Variants in CDC42 observed in about 807,000 individuals in gnomAD.
The protein encoded by CDC42 is cell division cycle 42.
A neutral mutation model predicts 20.8 loss-of-function variants in CDC42; 1 was observed. The ratio of observed to expected loss-of-function variants is 0.05; its 90% CI spans 0.02 to 0.23. The LOEUF is 0.23. Ranked by LOEUF, CDC42 falls within the 10% of genes least tolerant of loss-of-function variation. The pLI is 1.00. For synonymous variants in CDC42, 72 were observed against 84.8 expected (o/e 0.85, Z 0.83); for missense variants, 49 against 227.9 (o/e 0.21, Z 5.05).
Position 22,092,083 on chromosome 1 carries a change from A to G in CDC42, c.*566A>G, listed in dbSNP as rs567121972. On this transcript the variant is annotated 3_prime_UTR_variant, in exon 6 of 6. Coordinates refer to ENST00000656825, the MANE Select transcript of CDC42 (RefSeq NM_001791.4). ...ACTTCCTAGATCTAGTTTAGAAAACATGTTCCCCATCTGGTGCTCTTAGGA... is the reference window on the plus strand; with the variant it reads ...ACTTCCTAGATCTAGTTTAGAAAACGTGTTCCCCATCTGGTGCTCTTAGGA... 4 of 152,578 alleles carry G rather than the reference A, an allele frequency of 2.6e-5. No individual in the cohort carries two copies. Among genetic ancestry groups the G allele is most frequent in the East Asian group, 3.9e-4 (2 of 5,182 alleles). 9.5% of individuals were successfully genotyped at this position (152,578 alleles called of 1,614,324 possible). A position where few individuals can be genotyped will look rare whatever the true frequency, so the allele number is the denominator to read the frequency against.
At chr1:22,061,914 C>G (rs1373383932) in intron 1 of CDC42, among the ~76,000 whole-genome samples, 1 of 151,630 alleles carries the variant, frequency 6.6e-6, no homozygotes, top group Non-Finnish European at 1.5e-5. Context: ...CCCATCACCC[C>G]TATGGAACAC....
intron 1 of CDC42, among the ~76,000 whole-genome samples, chr1:22,070,136 AAAAGT>A (rs1236137953): frequency 2.0e-5 from 3 of 152,194 alleles, no homozygotes; most frequent in African/African-American, 4.8e-5. Context: ...TGAACATGTA[AAAAGT>A]AAAGTAGAGA....
chr1:22,083,124 G>T (rs1249041234), intron 3 of CDC42, among the ~76,000 whole-genome samples: 17 of 151,740 alleles, frequency 1.1e-4, no homozygotes, highest in Non-Finnish European at 8.8e-5. Context: ...CAGGTGATCC[G>T]CCCGCCTTGG....
At chr1:22,069,300 C>T (rs906013033) in intron 1 of CDC42, among the ~76,000 whole-genome samples, 1 of 150,720 alleles carries the variant, frequency 6.6e-6, no homozygotes, top group Non-Finnish European at 1.5e-5. Context: ...CTCACCCTCC[C>T]AAATAGCTGG....
In CDC42 at chr1:22,097,971, A is replaced by G. The variant is rs571430420; in HGVS notation, c.*6454A>G. 6.6e-6 allele frequency among the ~76,000 whole-genome samples: 1 copy of G among 152,278 alleles called. No individual in the cohort carries two copies. Among genetic ancestry groups the G allele is most frequent in the African/African-American group, 2.4e-5 (1 of 41,576 alleles). ...AGTGACAGATTTTCAAGGCTAAGGT[A>G]AGTATAGCATTTTCTCAACCCTATT... is the stretch of plus-strand genomic sequence containing the variant. On this transcript the variant is annotated 3_prime_UTR_variant, in exon 6 of 6. Transcript: ENST00000656825.
chr1:22,061,702 C>T (rs1645367128), intron 1 of CDC42, among the ~76,000 whole-genome samples: 1 of 150,122 alleles, frequency 6.7e-6, no homozygotes. Context: ...CGCCACCATG[C>T]CCGGCTAATT....
chr1:22,056,791 A>T (rs1053468257), intron 1 of CDC42, among the ~76,000 whole-genome samples: 1 of 152,264 alleles, frequency 6.6e-6, no homozygotes, highest in Non-Finnish European at 1.5e-5. Context: ...AAGATTTGGC[A>T]TTAGCCATTA....
intron 1 of CDC42, among the ~76,000 whole-genome samples, chr1:22,067,797 G>A (rs1283088396): frequency 1.3e-5 from 2 of 152,148 alleles, no homozygotes; most frequent in Non-Finnish European, 2.9e-5. Context: ...TTCTAACAAC[G>A]TCACACTGGT....
intron 1 of CDC42, chr1:22,053,330 G>C (rs1005460792): frequency 6.6e-6 from 1 of 151,938 alleles, no homozygotes; most frequent in African/African-American, 2.4e-5. Flanking sequence ...GCAGCTCGCT[G>C]GCTGCTCGCG....
In CDC42 at chr1:22,094,844, C is replaced by T. The variant is rs1645746031; in HGVS notation, c.*3327C>T. Among the ~76,000 whole-genome samples, 1 of 152,140 alleles carries T rather than the reference C, an allele frequency of 6.6e-6. No homozygotes were observed. The highest frequency in any genetic ancestry group is 6.5e-5 in the Admixed American group (1 of 15,274). On this transcript the variant is annotated 3_prime_UTR_variant, in exon 6 of 6. Transcript: ENST00000656825. ...CAAGTTGTCACTAAATTTGTGCTAT[C>T]ATAATTGTTACCTTCATAGAATGCT...
intron 5 of CDC42, among the ~76,000 whole-genome samples, chr1:22,088,932 T>C (rs1316253515): frequency 2.6e-5 from 4 of 151,996 alleles, no homozygotes; most frequent in Non-Finnish European, 5.9e-5. Flanking sequence ...TGTTTCTGAT[T>C]TATTTTGTGT....
In CDC42 at chr1:22,095,948, A is replaced by AATTTATTTATTT. The variant is rs200889790; in HGVS notation, c.*4448_*4459dup. On this transcript the variant is annotated 3_prime_UTR_variant, in exon 6 of 6. Transcript: ENST00000656825. Reference sequence around the variant, plus strand: ...TGCTATTCATTCATTTTTTTAAAAAAATTTATTTATTTATTTATTTATTTA... The same window carrying AATTTATTTATTT: ...TGCTATTCATTCATTTTTTTAAAAAAATTTATTTATTTATTTATTTATTTATTTATTTATTTA... 1.3e-4 allele frequency among the ~76,000 whole-genome samples: 19 copies of AATTTATTTATTT among 151,550 alleles called. No homozygotes were observed. The highest frequency in any genetic ancestry group is 3.2e-4 in the African/African-American group (13 of 41,058).
chr1:22,054,197 T>C (rs1645269791), intron 1 of CDC42, among the ~76,000 whole-genome samples: 1 of 152,094 alleles, frequency 6.6e-6, no homozygotes, highest in Admixed American at 6.6e-5. Flanking sequence ...AGATCACAAT[T>C]TTTATTTTTT....
Position 22,100,026 on chromosome 1 carries a change from C to CTTTTT in CDC42, c.*8511_*8512insTTTTT, listed in dbSNP as rs780658203. The stretch of plus-strand genomic sequence containing the variant: ...CCTTTTTTTCTTTCTTCTTCTTCTT[C>CTTTTT]TTCTTTTTTTTTTTTTTTGTATAAT... On this transcript the variant is annotated 3_prime_UTR_variant, in exon 6 of 6. Transcript: ENST00000656825. 1.7e-5 allele frequency among the ~76,000 whole-genome samples: 1 copy of CTTTTT among 57,584 alleles called. No individual in the cohort carries two copies. Among genetic ancestry groups the CTTTTT allele is most frequent in the Non-Finnish European group, 3.4e-5 (1 of 29,440 alleles). 37.8% of individuals were successfully genotyped at this position (57,584 alleles called of 152,430 possible). A position where few individuals can be genotyped will look rare whatever the true frequency, so the allele number is the denominator to read the frequency against.
intron 2 of CDC42, among the ~76,000 whole-genome samples, chr1:22,079,362 C>A (rs889620374): frequency 1.3e-5 from 2 of 152,070 alleles, no homozygotes; most frequent in African/African-American, 4.8e-5. Context: ...TGGTCTTGAA[C>A]TCCTGACCTC....
At position 22,065,840 on chromosome 1, in the gene CDC42, C is replaced by T. The variant is rs899450536; in HGVS notation, c.-50-12589C>T. Among the ~76,000 whole-genome samples, 14 of 152,204 alleles carry T rather than the reference C, an allele frequency of 9.2e-5. 1 individual carries two copies. The East Asian group carries it at 2.7e-3, about 29-fold the overall frequency. ...GCAGTGGCATGATCTCAGCTCACTG[C>T]AACCTCCTCCCGGGTTCAAGCGATT... On this transcript the variant is annotated intron_variant, in intron 1 of 5. Coordinates refer to ENST00000656825, the MANE Select transcript of CDC42 (RefSeq NM_001791.4).
At chr1:22,067,565 G>C (rs1241396096) in intron 1 of CDC42, among the ~76,000 whole-genome samples, 2 of 152,114 alleles carry the variant, frequency 1.3e-5, no homozygotes, top group Non-Finnish European at 2.9e-5. Context: ...GGCTGGTCTC[G>C]AACGCCTGAC....
intron 1 of CDC42, among the ~76,000 whole-genome samples, chr1:22,065,145 C>G (rs1043706540): frequency 5.9e-5 from 9 of 152,230 alleles, no homozygotes; most frequent in African/African-American, 2.2e-4. Flanking sequence ...TGCCCAAAAT[C>G]ACACAAGAAT....
intron 1 of CDC42, among the ~76,000 whole-genome samples, chr1:22,058,651 C>G (rs997632237): frequency 1.3e-5 from 2 of 151,322 alleles, no homozygotes; most frequent in Non-Finnish European, 3.0e-5. Flanking sequence ...CCTGGCTGAT[C>G]TTGTATTTTT....
Sources: allele counts gnomAD v4.1 joint callset (sites outside exome capture counted in the v4.1 genomes callset), GRCh38; gene constraint gnomAD v4.1.1; transcripts MANE v1.5; gene names NCBI Gene and HGNC (gene_info 2026-07-23, HGNC 2026-07-21).